Variants in FGF12 observed in about 807,000 individuals in gnomAD.
FGF12 encodes the protein fibroblast growth factor 12.
FGF12 carries 14 observed loss-of-function variants against 23.6 expected under a neutral mutation model. That is an observed-to-expected ratio of 0.59 (90% confidence interval 0.39 to 0.93). The LOEUF (loss-of-function observed/expected upper bound fraction) is 0.93. FGF12 is among the 40% of genes least tolerant of loss of function. The probability of loss-of-function intolerance (pLI) is 0.00; values close to 1 mark genes in which losing one functional copy is unlikely to be tolerated. For synonymous variants in FGF12, 62 were observed against 77.3 expected (o/e 0.80, Z 1.04); for missense variants, 175 against 217.8 (o/e 0.80, Z 1.24).
chr3:192,315,726 T>C (rs1053753608), intron 4 of FGF12, among the ~76,000 whole-genome samples: 2 of 152,190 alleles, frequency 1.3e-5, no homozygotes, highest in South Asian at 2.1e-4. Flanking sequence ...GCAGAACTAA[T>C]AAAGACAGGA....
In FGF12 at chr3:192,409,067, CGAGGGAGGGGG is replaced by C; in HGVS notation, c.14-48540_14-48530del. The C allele has an allele frequency of 1.5e-6, 1 of 684,016 alleles. No individual in the cohort carries two copies. Among genetic ancestry groups the C allele is most frequent in the Non-Finnish European group, 1.7e-6 (1 of 591,072 alleles). 42.4% of individuals were successfully genotyped at this position (684,016 alleles called of 1,614,324 possible). A position where few individuals can be genotyped will look rare whatever the true frequency, so the allele number is the denominator to read the frequency against. On this transcript the variant is annotated intron_variant, in intron 2 of 5. Coordinates refer to ENST00000445105, the MANE Select transcript of FGF12 (RefSeq NM_004113.6). This position sits in a 1 kb window ranked among gnomAD's most constrained non-coding sequence, Gnocchi z 4.8. ...GCAGCACTGCAAAGAGAGCGGGAGG[CGAGGGAGGGGG>C]GAGGGCGCGAGGGAGGGAGGGAGAT...
intron 3 of FGF12, among the ~76,000 whole-genome samples, chr3:192,343,575 T>C (rs895502427): frequency 2.0e-5 from 3 of 152,128 alleles, no homozygotes; most frequent in African/African-American, 7.2e-5. Context: ...ACCCTCCCCA[T>C]TCTCAACAGG....
Position 192,408,797 on chromosome 3 carries a change from C to A in FGF12, c.14-48259G>T, listed in dbSNP as rs1306629663. 4 of 985,806 alleles carry A rather than the reference C, an allele frequency of 4.1e-6. No individual in the cohort carries two copies. In the African/African-American group the frequency reaches 7.0e-5, roughly 17 times the overall value. 61.1% of individuals were successfully genotyped at this position (985,806 alleles called of 1,614,324 possible). ...CCTTTAGAAAACAAGCCACCAACCG[C>A]ACGAGAGAAGGAGAGGAAGGCAGCA... is the stretch of plus-strand genomic sequence containing the variant. On this transcript the variant is annotated intron_variant, in intron 2 of 5. Coordinates refer to ENST00000445105, the MANE Select transcript of FGF12 (RefSeq NM_004113.6). The surrounding 1 kb of genome is among the most constrained non-coding windows in gnomAD (Gnocchi z 7.3).
intron 2 of FGF12, among the ~76,000 whole-genome samples, chr3:192,423,400 T>C (rs972957484): frequency 6.6e-6 from 1 of 152,186 alleles, no homozygotes; most frequent in Non-Finnish European, 1.5e-5. Context: ...CAGCATTAAG[T>C]CGCTAAATTC....
chr3:192,702,201 C>T (rs111603690), intron 2 of FGF12, among the ~76,000 whole-genome samples: 2,082 of 152,274 alleles, frequency 0.014, 51 homozygotes, highest in African/African-American at 0.047. Flanking sequence ...TCAGGCTCTC[C>T]TTTCTTAAAG....
intron 2 of FGF12, among the ~76,000 whole-genome samples, chr3:192,396,028 T>A (rs1239177493): frequency 6.6e-6 from 1 of 152,194 alleles, no homozygotes. Context: ...TTGTGGAGCC[T>A]ATTCATATTG....
At chr3:192,329,160 C>T (rs1017162507) in intron 4 of FGF12, among the ~76,000 whole-genome samples, 4 of 152,208 alleles carry the variant, frequency 2.6e-5, no homozygotes, top group African/African-American at 7.2e-5. Context: ...AAGATGAATA[C>T]GATGTAATTC....
At chr3:192,305,923 T>G (rs559252024) in intron 4 of FGF12, among the ~76,000 whole-genome samples, 3,707 of 135,794 alleles carry the variant, frequency 0.027, 124 homozygotes, top group South Asian at 0.17. Flanking sequence ...TGCAGTGGCA[T>G]GATCTCAGCT....
At chr3:192,309,923 C>A (rs952746877) in intron 4 of FGF12, among the ~76,000 whole-genome samples, 3 of 152,130 alleles carry the variant, frequency 2.0e-5, no homozygotes, top group Non-Finnish European at 4.4e-5. Flanking sequence ...TAGAGTACTT[C>A]TTCTTTTACT....
intron 2 of FGF12, among the ~76,000 whole-genome samples, chr3:192,655,530 TCTTGA>T (rs1429359493): frequency 5.3e-5 from 8 of 152,186 alleles, no homozygotes; most frequent in Non-Finnish European, 1.2e-4. Context: ...CATACCAGCC[TCTTGA>T]CTTCTACATC....
chr3:192,519,670 T>C (rs1468110559), intron 2 of FGF12, among the ~76,000 whole-genome samples: 4 of 152,246 alleles, frequency 2.6e-5, no homozygotes. Flanking sequence ...CAACAATTAT[T>C]AATGTGCAGT....
chr3:192,343,009 G>C (rs1392870061), intron 3 of FGF12, among the ~76,000 whole-genome samples: 6 of 151,826 alleles, frequency 4.0e-5, no homozygotes, highest in Admixed American at 1.3e-4. Context: ...GGGAGAGAGG[G>C]AGGAAGAAGG....
intron 2 of FGF12, among the ~76,000 whole-genome samples, chr3:192,382,830 G>C (rs563799906): frequency 6.6e-6 from 1 of 152,224 alleles, no homozygotes; most frequent in Non-Finnish European, 1.5e-5. Flanking sequence ...ACTTTTATGA[G>C]GAGTAATGGC....
chr3:192,447,824 T>G (rs530419121), intron 2 of FGF12, among the ~76,000 whole-genome samples: 6 of 152,328 alleles, frequency 3.9e-5, no homozygotes, highest in African/African-American at 1.4e-4. Context: ...AAATGTCTAC[T>G]CTTACATAGC....
chr3:192,543,851 T>C (rs1241161329), intron 2 of FGF12, among the ~76,000 whole-genome samples: 1 of 152,218 alleles, frequency 6.6e-6, no homozygotes, highest in Non-Finnish European at 1.5e-5. Flanking sequence ...CTCTGCCTAG[T>C]GCCCTGTCTT....
intron 5 of FGF12, among the ~76,000 whole-genome samples, chr3:192,149,415 T>C (rs924810089): frequency 7.1e-6 from 1 of 141,046 alleles, no homozygotes; most frequent in Non-Finnish European, 1.5e-5. Flanking sequence ...CTGCACCCAC[T>C]AACTCGTCAT....
At chr3:192,662,413 A>G (rs1716703890) in intron 2 of FGF12, among the ~76,000 whole-genome samples, 1 of 152,158 alleles carries the variant, frequency 6.6e-6, no homozygotes, top group African/African-American at 2.4e-5. Flanking sequence ...AACTTCAATA[A>G]CCATATTAGC....
chr3:192,327,344 T>C (rs923686261), intron 4 of FGF12, among the ~76,000 whole-genome samples: 1 of 152,136 alleles, frequency 6.6e-6, no homozygotes, highest in Non-Finnish European at 1.5e-5. Context: ...GAATATAGAC[T>C]GACTAAAATA....
At position 192,415,732 on chromosome 3, in the gene FGF12, T is replaced by TCTCATACACACA. The variant is rs369293180; in HGVS notation, c.14-55195_14-55194insTGTGTGTATGAG. On this transcript the variant is annotated intron_variant, in intron 2 of 5. Coordinates refer to ENST00000445105, the MANE Select transcript of FGF12 (RefSeq NM_004113.6). ...CTGATACTTCTCTTCTCTCTCTCTC[T>TCTCATACACACA]CACACACACACACACACACACACAC... Among the ~76,000 whole-genome samples the TCTCATACACACA allele has an allele frequency of 6.1e-3, 721 of 118,022 alleles. 15 individuals carry two copies. The highest frequency in any genetic ancestry group is 0.016 in the African/African-American group (504 of 31,586). The allele number at this position is 118,022 out of a possible 152,430, so 77.4% of individuals were successfully genotyped here.
Sources: allele counts gnomAD v4.1 joint callset (sites outside exome capture counted in the v4.1 genomes callset), GRCh38; gene constraint gnomAD v4.1.1; non-coding constraint Gnocchi (gnomAD v3.1); transcripts MANE v1.5; gene names NCBI Gene and HGNC (gene_info 2026-07-23, HGNC 2026-07-21).